The following HMCN1 variants were observed in gnomAD, a reference collection of about 807,000 sequenced individuals.
HMCN1 encodes hemicentin-1.
Under a neutral mutation model 625.9 loss-of-function variants are expected in HMCN1, and 321 were observed. The observed-to-expected ratio is 0.51, with a 90% CI of 0.47 to 0.56. The LOEUF (loss-of-function observed/expected upper bound fraction) is 0.56, where lower values mean the gene tolerates loss of function less well. Ranked by LOEUF, HMCN1 falls within the 20% of genes least tolerant of loss-of-function variation. The probability of loss-of-function intolerance (pLI) is 0.00; values close to 1 mark genes in which losing one functional copy is unlikely to be tolerated. For missense variants in HMCN1, 6,588 were observed against 6,887.3 expected, an observed-to-expected ratio of 0.96 and a Z score of 1.54; for synonymous variants, 2,425 against 2,417.6, an observed-to-expected ratio of 1.00 and a Z score of -0.09.
At chr1:185,860,263 A>C (rs983241132) in intron 2 of HMCN1, among the ~76,000 whole-genome samples, 2 of 152,164 alleles carry the variant, frequency 1.3e-5, no homozygotes, top group African/African-American at 4.8e-5. Context: ...TCCTGAGAAC[A>C]CTTATAATCA....
chr1:185,924,314 C>T (rs929270394), intron 8 of HMCN1, among the ~76,000 whole-genome samples: 1 of 146,814 alleles, frequency 6.8e-6, no homozygotes, highest in African/African-American at 2.5e-5. Context: ...CACTGCAAGC[C>T]CCGCCTCCCG....
chr1:185,913,273 C>T (rs1325650607), intron 6 of HMCN1, among the ~76,000 whole-genome samples: 2 of 152,036 alleles, frequency 1.3e-5, no homozygotes, highest in African/African-American at 4.8e-5. Flanking sequence ...TTTTTTTCCA[C>T]CCAGTTCCTT....
chr1:185,964,984 A>G (rs564645066), intron 13 of HMCN1, among the ~76,000 whole-genome samples: 198 of 152,246 alleles, frequency 1.3e-3, no homozygotes, highest in African/African-American at 4.4e-3. Context: ...AATTTTTGAA[A>G]GAGAGTCTAT....
At chr1:186,041,611 T>C (rs1656212448) in intron 40 of HMCN1, among the ~76,000 whole-genome samples, 1 of 152,064 alleles carries the variant, frequency 6.6e-6, no homozygotes, top group South Asian at 2.1e-4. Context: ...AAAATTTACG[T>C]TTTTGCCCAC....
intron 1 of HMCN1, among the ~76,000 whole-genome samples, chr1:185,803,776 T>C (rs1343152646): frequency 6.6e-6 from 1 of 152,104 alleles, no homozygotes; most frequent in African/African-American, 2.4e-5. Flanking sequence ...ACAACTTGTG[T>C]AAATTTAGGT....
Position 186,052,965 on chromosome 1 carries a change from T to C in HMCN1, c.6591T>C (p.Ile2197=), listed in dbSNP as rs1657064641. 6.2e-7 allele frequency: 1 copy of C among 1,605,016 alleles called. No homozygotes were observed. Among genetic ancestry groups the C allele is most frequent in the Middle Eastern group, 1.7e-4 (1 of 6,028 alleles). Residue 2197 remains isoleucine, a synonymous_variant, in exon 43 of 107, where the codon ATT becomes ATC. Coordinates refer to ENST00000271588, the MANE Select transcript of HMCN1 (RefSeq NM_031935.3). ...YNVNIWVPPN[I]GGSDELTQLT... ...ATTTTTTTCTAGTCCCCCCAAATAT[T>C]GGTGGTTCTGATGAACTTACTCAAC...
intron 11 of HMCN1, among the ~76,000 whole-genome samples, chr1:185,949,335 CTG>C (rs1250742693): frequency 2.6e-5 from 4 of 151,712 alleles, no homozygotes; most frequent in African/African-American, 9.7e-5. Flanking sequence ...GGTCTGGTGT[CTG>C]GAATGAGACT....
intron 16 of HMCN1, among the ~76,000 whole-genome samples, chr1:185,979,092 G>A (rs1294547797): frequency 6.6e-6 from 1 of 152,132 alleles, no homozygotes; most frequent in Admixed American, 6.6e-5. Context: ...GCTCTGTGGT[G>A]GACAGATTCA....
intron 6 of HMCN1, among the ~76,000 whole-genome samples, chr1:185,917,867 G>T (rs936755645): frequency 6.6e-6 from 1 of 152,142 alleles, no homozygotes; most frequent in Non-Finnish European, 1.5e-5. Context: ...CATGGTGCTT[G>T]TTCAATTGTC....
At chr1:185,967,275 G>T (rs533069787) in intron 14 of HMCN1, among the ~76,000 whole-genome samples, 1 of 152,154 alleles carries the variant, frequency 6.6e-6, no homozygotes, top group African/African-American at 2.4e-5. Flanking sequence ...CTGGGACTGT[G>T]CTCCTTAATC....
intron 69 of HMCN1, 48 bp downstream of exon 69, chr1:186,103,716 C>A: frequency 6.8e-7 from 1 of 1,470,316 alleles, no homozygotes. Flanking sequence ...TCAAACTTCT[C>A]ACTTGCTAAT....
intron 1 of HMCN1, among the ~76,000 whole-genome samples, chr1:185,836,255 T>C (rs1343255929): frequency 6.6e-6 from 1 of 152,134 alleles, no homozygotes; most frequent in Non-Finnish European, 1.5e-5. Context: ...AAATTCCTCT[T>C]TTTTTTCTTA....
intron 4 of HMCN1, among the ~76,000 whole-genome samples, chr1:185,888,734 A>G (rs2102406094): frequency 6.8e-6 from 1 of 146,716 alleles, no homozygotes; most frequent in Middle Eastern, 3.4e-3. Flanking sequence ...GTTTGAAGTC[A>G]GGTAGCGTGA....
intron 30 of HMCN1, among the ~76,000 whole-genome samples, chr1:186,009,190 G>C (rs1364017566): frequency 6.6e-6 from 1 of 152,056 alleles, no homozygotes; most frequent in Non-Finnish European, 1.5e-5. Context: ...TTTTTGCCAG[G>C]ATCTGTGATG....
Position 186,070,717 on chromosome 1 carries a change from C to T in HMCN1, c.8099C>T (p.Ala2700Val), listed in dbSNP as rs1366140169. The change falls in exon 52 of 107, where the codon GCA becomes GTA. Residue 2700 changes from alanine to valine, a missense_variant. Around this residue, in one of 3 missense-constraint regions of HMCN1, gnomAD observed 4,628 missense variants for 4,853.1 expected, o/e 0.95. Coordinates refer to ENST00000271588, the MANE Select transcript of HMCN1 (RefSeq NM_031935.3). The part of the protein sequence containing the change: ...NTLTLECEAY[A>V]IPSASLSWYK... Reference sequence around the variant, plus strand: ...CTGACCTTGGAATGTGAAGCGTATGCAATTCCTTCTGCCTCCCTCAGCTGG... The same window carrying T: ...CTGACCTTGGAATGTGAAGCGTATGTAATTCCTTCTGCCTCCCTCAGCTGG... The T allele has an allele frequency of 6.2e-7, 1 of 1,613,826 alleles. No homozygotes were observed. The highest frequency in any genetic ancestry group is 1.1e-5 in the South Asian group (1 of 91,082).
intron 1 of HMCN1, among the ~76,000 whole-genome samples, chr1:185,749,492 C>A (rs1308982557): frequency 6.6e-6 from 1 of 152,160 alleles, no homozygotes; most frequent in African/African-American, 2.4e-5. Context: ...CGTTTATCAT[C>A]AACCCGTCCC....
chr1:186,025,294 C>T (rs1034046606), intron 36 of HMCN1, among the ~76,000 whole-genome samples: 1 of 152,224 alleles, frequency 6.6e-6, no homozygotes, highest in African/African-American at 2.4e-5. Context: ...CAGTCTGTGG[C>T]CCAGGGTTGG....
At chr1:185,910,751 A>G (rs553835964) in intron 5 of HMCN1, among the ~76,000 whole-genome samples, 13 of 151,898 alleles carry the variant, frequency 8.6e-5, no homozygotes, top group South Asian at 2.1e-4. Flanking sequence ...TTGTATTTTT[A>G]GTAGAGACAG....
At chr1:186,082,239 C>CA (rs2102383133) in intron 56 of HMCN1, among the ~76,000 whole-genome samples, 1 of 152,078 alleles carries the variant, frequency 6.6e-6, no homozygotes, top group East Asian at 1.9e-4. Context: ...TAAAACAAAC[C>CA]ACTCCAAAAC....
Sources: gnomAD v4.1 joint callset for allele counts (sites outside exome capture counted in the v4.1 genomes callset) on GRCh38, gnomAD v4.1.1 for gene constraint, gnomAD v4.1.1 regional missense constraint, MANE v1.5 for transcripts, NCBI Gene and HGNC (gene_info 2026-07-23, HGNC 2026-07-21) for gene names.